The following PRRG1 variants were observed in gnomAD, a reference collection of about 807,000 sequenced individuals.
PRRG1 encodes the protein transmembrane gamma-carboxyglutamic acid protein 1.
In PRRG1, 5 loss-of-function variants were observed where a neutral mutation model predicts 11.8. The observed-to-expected ratio is 0.42, with a 90% CI of 0.22 to 0.89. PRRG1 has a LOEUF of 0.89. Among genes scored for constraint, PRRG1 ranks in the 40% least tolerant of loss-of-function variants. PRRG1 has a pLI of 0.28. For synonymous variants in PRRG1, 66 were observed against 60.4 expected, an observed-to-expected ratio of 1.09 and a Z score of -0.43; for missense variants, 155 against 166.1, an observed-to-expected ratio of 0.93 and a Z score of 0.37.
At chrX:37,421,262 T>C (rs1226834009) in intron 2 of PRRG1, among the ~76,000 whole-genome samples, 2 of 112,182 alleles carry the variant, frequency 1.8e-5, no homozygotes, top group African/African-American at 6.5e-5. Context: ...TTCAATTTAA[T>C]AAGAGTATTT....
intron 1 of PRRG1, among the ~76,000 whole-genome samples, chrX:37,402,196 G>A (rs1483617815): frequency 9.0e-6 from 1 of 111,358 alleles, no homozygotes; most frequent in Non-Finnish European, 1.9e-5. Flanking sequence ...TAAGCCAAAA[G>A]AACAAAGCTG....
At chrX:37,431,849 C>T (rs1437079074) in intron 3 of PRRG1, among the ~76,000 whole-genome samples, 1 of 102,358 alleles carries the variant, frequency 9.8e-6, no homozygotes, top group Admixed American at 1.1e-4. Flanking sequence ...CTCATGGCAA[C>T]CTTTGCCTCC....
chrX:37,442,744 G>A (rs147010097), intron 3 of PRRG1, among the ~76,000 whole-genome samples: 2,548 of 111,050 alleles, frequency 0.023, 75 homozygotes, highest in African/African-American at 0.078. Context: ...CAGCAAGGCA[G>A]AGTACCTCTT....
At chrX:37,424,404 G>A (rs1932748598) in intron 2 of PRRG1, among the ~76,000 whole-genome samples, 1 of 111,212 alleles carries the variant, frequency 9.0e-6, no homozygotes, top group African/African-American at 3.3e-5. Flanking sequence ...CCAGCAGTCT[G>A]TGTGATAATC....
intron 3 of PRRG1, among the ~76,000 whole-genome samples, chrX:37,439,811 T>G (rs1376457565): frequency 1.9e-5 from 2 of 104,121 alleles, no homozygotes; most frequent in Non-Finnish European, 3.9e-5. Flanking sequence ...TTTTTTTTTT[T>G]TTGAGAGGGA....
chrX:37,366,411 C>T (rs1930572419), intron 1 of PRRG1, among the ~76,000 whole-genome samples: 1 of 112,226 alleles, frequency 8.9e-6, no homozygotes. Context: ...TTAGAGATGG[C>T]TCTTCAACAG....
chrX:37,351,875 A>G (rs1930078463), intron 1 of PRRG1, among the ~76,000 whole-genome samples: 1 of 112,790 alleles, frequency 8.9e-6, no homozygotes, highest in Non-Finnish European at 1.9e-5. Context: ...CTGAAGGGTG[A>G]TGTAACTAAA....
intron 1 of PRRG1, among the ~76,000 whole-genome samples, chrX:37,383,658 G>A (rs781920447): frequency 5.3e-4 from 59 of 111,403 alleles, no homozygotes; most frequent in African/African-American, 1.8e-3. Flanking sequence ...TTAAAAATGT[G>A]AGAACCTATT....
intron 1 of PRRG1, among the ~76,000 whole-genome samples, chrX:37,366,049 G>A (rs961951526): frequency 8.9e-5 from 10 of 112,297 alleles, no homozygotes; most frequent in Non-Finnish European, 1.9e-4. Context: ...CAAAAATTTT[G>A]AAATTAAATG....
chrX:37,400,969 C>A (rs781911736), intron 1 of PRRG1, among the ~76,000 whole-genome samples: 3,783 of 110,408 alleles, frequency 0.034, 173 homozygotes, highest in African/African-American at 0.12. Flanking sequence ...CAATAACAGG[C>A]TCTGAAATTG....
intron 1 of PRRG1, among the ~76,000 whole-genome samples, chrX:37,381,253 A>G (rs1363091131): frequency 8.9e-6 from 1 of 111,826 alleles, no homozygotes; most frequent in Non-Finnish European, 1.9e-5. Flanking sequence ...AAGCCATTTG[A>G]GTGGGCCAGT....
intron 2 of PRRG1, among the ~76,000 whole-genome samples, chrX:37,419,278 A>T (rs183978643): frequency 5.4e-5 from 6 of 112,000 alleles, no homozygotes; most frequent in Non-Finnish European, 5.6e-5. Context: ...TCTGTTGTTA[A>T]AATTCCAGTG....
chrX:37,354,981 G>C (rs1457137299), intron 1 of PRRG1, among the ~76,000 whole-genome samples: 2 of 110,639 alleles, frequency 1.8e-5, no homozygotes, highest in Admixed American at 1.9e-4. Flanking sequence ...GCGCAAACAC[G>C]GCTCACTGAA....
intron 2 of PRRG1, among the ~76,000 whole-genome samples, chrX:37,416,514 C>T (rs17145056): frequency 4.5e-5 from 5 of 111,615 alleles, no homozygotes; most frequent in Admixed American, 9.5e-5. Context: ...GGAAATCATA[C>T]GGTTGTAACA....
chrX:37,418,506 T>C (rs1932564494), intron 2 of PRRG1, among the ~76,000 whole-genome samples: 1 of 112,292 alleles, frequency 8.9e-6, no homozygotes, highest in African/African-American at 3.2e-5. Flanking sequence ...ATTTTCAATT[T>C]GAGCAAATAT....
intron 3 of PRRG1, among the ~76,000 whole-genome samples, chrX:37,433,110 T>C (rs781825199): frequency 2.7e-5 from 3 of 111,808 alleles, no homozygotes; most frequent in Non-Finnish European, 5.6e-5. Flanking sequence ...TATGATTTTT[T>C]GGCCCCTGCC....
intron 1 of PRRG1, among the ~76,000 whole-genome samples, chrX:37,385,178 A>G (rs1217287970): frequency 8.9e-6 from 1 of 112,315 alleles, no homozygotes; most frequent in Non-Finnish European, 1.9e-5. Context: ...AACTATATGC[A>G]ACAATATGGA....
At chrX:37,409,095 C>T (rs1182596800) in intron 2 of PRRG1, among the ~76,000 whole-genome samples, 1 of 111,817 alleles carries the variant, frequency 8.9e-6, no homozygotes, top group East Asian at 2.8e-4. Context: ...TAATAGCCTA[C>T]TGTTGACTGA....
chrX:37,407,168 T>C (rs150165135), intron 2 of PRRG1, among the ~76,000 whole-genome samples: 3,064 of 111,572 alleles, frequency 0.027, 104 homozygotes, highest in African/African-American at 0.093. Flanking sequence ...GGGGTCTCTG[T>C]TTGGGGCACC....
Sources: gnomAD v4.1 joint callset for allele counts (sites outside exome capture counted in the v4.1 genomes callset) on GRCh38, gnomAD v4.1.1 for gene constraint, MANE v1.5 for transcripts, NCBI Gene and HGNC (gene_info 2026-07-23, HGNC 2026-07-21) for gene names.